FBXO22: variants seen among roughly 807,000 people sequenced by gnomAD.
FBXO22 encodes F-box protein 22, also known as F-box only protein 22.
Under a neutral mutation model 37.2 loss-of-function variants are expected in FBXO22, and 13 were observed. The observed-to-expected ratio is 0.35, with a 90% CI of 0.23 to 0.56. The LOEUF is 0.56. Among genes scored for constraint, FBXO22 ranks in the 20% least tolerant of loss-of-function variants. FBXO22 has a pLI of 0.87. For missense variants in FBXO22, 446 were observed against 509.9 expected, an observed-to-expected ratio of 0.87 and a Z score of 1.21; for synonymous variants, 189 against 189.1, an observed-to-expected ratio of 1.00 and a Z score of 0.00.
chr15:75,922,139 G>A (rs142372170), intron 5 of FBXO22, among the ~76,000 whole-genome samples: 4 of 152,242 alleles, frequency 2.6e-5, no homozygotes, highest in East Asian at 1.9e-4. Context: ...ACTTTTATAC[G>A]ACTGGCACTG....
At chr15:75,915,286 G>A (rs1900157601) in intron 4 of FBXO22, among the ~76,000 whole-genome samples, 1 of 151,976 alleles carries the variant, frequency 6.6e-6, no homozygotes, top group Non-Finnish European at 1.5e-5. Flanking sequence ...ATGTTTTTTT[G>A]TTCCAACTCA....
In FBXO22 at chr15:75,917,337, C is replaced by A; in HGVS notation, c.571C>A (p.His191Asn). 2 of 1,606,888 alleles carry A rather than the reference C, an allele frequency of 1.2e-6. No homozygotes were observed. ...TGAAGGAATAAAAATACAACCCTTT[C>A]ATTTTATTAAGGATCCAAAGAATTT... ...QIEGIKIQPFHFIKDPKNLTL... is the reference protein window; with the variant it reads ...QIEGIKIQPFNFIKDPKNLTL... The change falls in exon 5 of 7, where the codon CAT (histidine) becomes AAT (asparagine). Residue 191 changes from histidine to asparagine, a missense_variant. Coordinates refer to ENST00000308275, the MANE Select transcript of FBXO22 (RefSeq NM_147188.3).
rs1209122581 is a variant in FBXO22 at position 75,941,432 on chromosome 15, C to T, written c.*8330C>T. On this transcript the variant is annotated 3_prime_UTR_variant, in exon 7 of 7. Transcript: ENST00000308275. ...GCAATTGCATTTCTGGGTATATACACAAAATAATTGAAAGCGGAGGCTTGA... is the reference window on the plus strand; with the variant it reads ...GCAATTGCATTTCTGGGTATATACATAAAATAATTGAAAGCGGAGGCTTGA... The T allele has an allele frequency of 1.3e-5, 2 of 152,054 alleles. No individual in the cohort carries two copies. The highest frequency in any genetic ancestry group is 4.8e-5 in the African/African-American group (2 of 41,396). 9.4% of individuals were successfully genotyped at this position (152,054 alleles called of 1,614,324 possible).
At position 75,937,489 on chromosome 15, in the gene FBXO22, A is replaced by G. The variant is rs891882112; in HGVS notation, c.*4387A>G. The G allele has an allele frequency of 7.7e-6, 1 of 130,246 alleles. No homozygotes were observed. The highest frequency in any genetic ancestry group is 2.9e-5 in the African/African-American group (1 of 34,758). 8.1% of individuals were successfully genotyped at this position (130,246 alleles called of 1,614,324 possible). A position where few individuals can be genotyped will look rare whatever the true frequency, so the allele number is the denominator to read the frequency against. ...GTGCCACTGCACTCCAGCCTGGGCAATGGAGCAAGACTCTGTCTCAAAAAA... is the reference window on the plus strand; with the variant it reads ...GTGCCACTGCACTCCAGCCTGGGCAGTGGAGCAAGACTCTGTCTCAAAAAA... On this transcript the variant is annotated 3_prime_UTR_variant, in exon 7 of 7. Transcript: ENST00000308275.
chr15:75,907,669 G>A (rs976134674), intron 2 of FBXO22, among the ~76,000 whole-genome samples: 6 of 152,072 alleles, frequency 3.9e-5, no homozygotes, highest in Non-Finnish European at 5.9e-5. Flanking sequence ...GCCGAGGCAG[G>A]CAAATCACTT....
chr15:75,914,326 G>A, intron 4 of FBXO22, 121 bp downstream of exon 4: 1 of 670,826 alleles, frequency 1.5e-6, no homozygotes, highest in Non-Finnish European at 2.6e-6. Context: ...ATACAATAAA[G>A]TCAGTCATAT....
chr15:75,916,826 A>G (rs1441755608), intron 4 of FBXO22, among the ~76,000 whole-genome samples: 1 of 146,366 alleles, frequency 6.8e-6, no homozygotes, highest in Non-Finnish European at 1.5e-5. Context: ...GGGTATATAT[A>G]TACTTTATAT....
chr15:75,917,206 G>A (rs1900210363), intron 4 of FBXO22, 24 bp from the exon 5 acceptor site: 3 of 1,587,232 alleles, frequency 1.9e-6, no homozygotes, highest in South Asian at 1.1e-5. Context: ...CTCTATTGGT[G>A]AAACTGTTTA....
At chr15:75,914,901 A>C (rs191720357) in intron 4 of FBXO22, among the ~76,000 whole-genome samples, 34 of 152,298 alleles carry the variant, frequency 2.2e-4, no homozygotes, top group African/African-American at 7.7e-4. Flanking sequence ...GTGAGAATTA[A>C]ATGAGTTAAC....
chr15:75,929,307 A>AT (rs2029921606), intron 5 of FBXO22, among the ~76,000 whole-genome samples: 1 of 36,192 alleles, frequency 2.8e-5, no homozygotes, highest in African/African-American at 6.9e-5. Flanking sequence ...CCCCATCTCT[A>AT]CCAAAAAAAA....
At chr15:75,928,927 C>T (rs2029904296) in intron 5 of FBXO22, among the ~76,000 whole-genome samples, 1 of 152,164 alleles carries the variant, frequency 6.6e-6, no homozygotes, top group South Asian at 2.1e-4. Context: ...TTCGCCTTTA[C>T]TCTCACCTGC....
rs1041412881 is a variant in FBXO22, at chr15:75,939,690, A to T, written c.*6588A>T. 1 of 152,192 alleles carries T rather than the reference A, an allele frequency of 6.6e-6. No individual in the cohort carries two copies. The highest frequency in any genetic ancestry group is 2.4e-5 in the African/African-American group (1 of 41,454). The allele number at this position is 152,192 out of a possible 1,614,324, so 9.4% of individuals were successfully genotyped here. A position where few individuals can be genotyped will look rare whatever the true frequency, so the allele number is the denominator to read the frequency against. ...CATATTAAAAGGATTGTACACCACG[A>T]CCAAATGGAATGAATTCCTGGAATG... is the stretch of plus-strand genomic sequence containing the variant. On this transcript the variant is annotated 3_prime_UTR_variant, in exon 7 of 7. Coordinates refer to ENST00000308275, the MANE Select transcript of FBXO22 (RefSeq NM_147188.3).
chr15:75,933,132 T>C lies in FBXO22; in HGVS notation c.*30T>C, dbSNP rs1338125047. The C allele has an allele frequency of 1.2e-5, 18 of 1,547,648 alleles. No individual in the cohort carries two copies. Among genetic ancestry groups the C allele is most frequent in the Middle Eastern group, 1.8e-4 (1 of 5,664 alleles). On this transcript the variant is annotated 3_prime_UTR_variant, in exon 7 of 7. Coordinates refer to ENST00000308275, the MANE Select transcript of FBXO22 (RefSeq NM_147188.3). ...TAAAGTGGCTTTCATAATATGTAAC[T>C]TTTGGGTTCTGCCTTTTTCAGAAAA...
chr15:75,927,235 C>A (rs1417018694), intron 5 of FBXO22, among the ~76,000 whole-genome samples: 1 of 152,146 alleles, frequency 6.6e-6, no homozygotes, highest in Non-Finnish European at 1.5e-5. Context: ...GCTAAACTTT[C>A]CCTTTGGCAT....
chr15:75,919,756 A>C (rs1171738001), intron 5 of FBXO22, among the ~76,000 whole-genome samples: 2 of 152,118 alleles, frequency 1.3e-5, no homozygotes, highest in Non-Finnish European at 2.9e-5. Context: ...TGTGGGGGGA[A>C]TAGTAGGGTT....
Position 75,903,997 on chromosome 15 carries a change from G to C in FBXO22, c.34G>C (p.Gly12Arg). Residue 12 changes from glycine to arginine, a missense_variant, in exon 1 of 7, where the codon GGC (glycine) becomes CGC (arginine). Around this residue, in one of 2 missense-constraint regions of FBXO22, gnomAD observed 131 missense variants for 99.8 expected, o/e 1.31. Transcript: ENST00000308275. ...GGTAGGCTGCTGCGGCGAGTGCCGC[G>C]GCTCCTCCGTAGACCCGCGGAGCAC... is the stretch of plus-strand genomic sequence containing the variant. ...EPVGCCGECR[G>R]SSVDPRSTFV... 6.3e-7 allele frequency: 1 copy of C among 1,578,834 alleles called. No homozygotes were observed. The highest frequency in any genetic ancestry group is 8.6e-7 in the Non-Finnish European group (1 of 1,161,832).
At chr15:75,907,535 A>G (rs1899956263) in intron 2 of FBXO22, among the ~76,000 whole-genome samples, 1 of 152,120 alleles carries the variant, frequency 6.6e-6, no homozygotes, top group African/African-American at 2.4e-5. Context: ...GTGTTTTCCA[A>G]GTTATCTAGT....
chr15:75,933,024 TAA>T lies in FBXO22; in HGVS notation c.1135_1136del (p.Asn379Ter). 1 of 1,614,170 alleles carries T rather than the reference TAA, an allele frequency of 6.2e-7. No homozygotes were observed. The highest frequency in any genetic ancestry group is 8.5e-7 in the Non-Finnish European group (1 of 1,180,002). On this transcript the variant is annotated frameshift_variant, in exon 7 of 7. Coordinates refer to ENST00000308275, the MANE Select transcript of FBXO22 (RefSeq NM_147188.3). LOFTEE classifies it high-confidence loss of function. ...VTGNFILRKCNEVKDDDLFHS... is the reference protein window; with the variant it reads ...VTGNFILRKCXEVKDDDLFHS... ...CTGGGAACTTTATATTGAGGAAATGTAATGAGGTAAAAGATGATGATCTGTTT... is the reference window on the plus strand; with the variant it reads ...CTGGGAACTTTATATTGAGGAAATGTTGAGGTAAAAGATGATGATCTGTTT...
rs1302285722 is a variant in FBXO22 at position 75,905,997 on chromosome 15, C to T, written c.279+1368C>T. 3.9e-5 allele frequency among the ~76,000 whole-genome samples: 6 copies of T among 152,074 alleles called. No homozygotes were observed. The East Asian group carries it at 1.2e-3, about 29-fold the overall frequency. On this transcript the variant is annotated intron_variant, in intron 2 of 6. Coordinates refer to ENST00000308275, the MANE Select transcript of FBXO22 (RefSeq NM_147188.3). Reference sequence around the variant, plus strand: ...ACTATGTAAATATCGTGTTTCAATTCATTTATTTATTTATATCTGTACACT... The same window carrying T: ...ACTATGTAAATATCGTGTTTCAATTTATTTATTTATTTATATCTGTACACT...
Sources: gnomAD v4.1 joint callset for allele counts (sites outside exome capture counted in the v4.1 genomes callset) on GRCh38, gnomAD v4.1.1 for gene constraint, gnomAD v4.1.1 regional missense constraint, MANE v1.5 for transcripts, NCBI Gene and HGNC (gene_info 2026-07-23, HGNC 2026-07-21) for gene names.